DCAF1: variants seen among roughly 807,000 people sequenced by gnomAD.
DCAF1 encodes DDB1- and CUL4-associated factor 1.
A neutral mutation model predicts 128.0 loss-of-function variants in DCAF1; 15 were observed. The observed-to-expected ratio is 0.12, with a 90% CI of 0.08 to 0.18. DCAF1 has a LOEUF of 0.18. Among genes scored for constraint, DCAF1 ranks in the 10% least tolerant of loss-of-function variants. The pLI is 1.00. For missense variants in DCAF1, 988 were observed against 1,649.5 expected, an observed-to-expected ratio of 0.60 and a Z score of 6.95; for synonymous variants, 610 against 603.0, an observed-to-expected ratio of 1.01 and a Z score of -0.17.
intron 24 of DCAF1, among the ~76,000 whole-genome samples, chr3:51,402,425 C>T (rs1553625171): frequency 6.6e-6 from 1 of 152,188 alleles, no homozygotes; most frequent in Non-Finnish European, 1.5e-5. Context: ...TGACAAACTA[C>T]AAGCCCACCA....
intron 4 of DCAF1, among the ~76,000 whole-genome samples, chr3:51,468,551 A>C (rs541321013): frequency 6.6e-6 from 1 of 152,322 alleles, no homozygotes; most frequent in South Asian, 2.1e-4. Context: ...AATTTAGTCA[A>C]AACATACAAT....
Position 51,414,773 on chromosome 3 carries a change from A to C in DCAF1, c.3688T>G (p.Phe1230Val), listed in dbSNP as rs782433959. 6.2e-7 allele frequency: 1 copy of C among 1,614,048 alleles called. No individual in the cohort carries two copies. Among genetic ancestry groups the C allele is most frequent in the East Asian group, 2.2e-5 (1 of 44,888 alleles). The change falls in exon 19 of 25, where the codon TTT (phenylalanine) becomes GTT (valine). Residue 1230 changes from phenylalanine (F) to valine (V), a missense_variant. By Grantham distance (50) the Phe-to-Val change is conservative (BLOSUM62 -1). Coordinates refer to ENST00000684031, the MANE Select transcript of DCAF1 (RefSeq NM_001387579.1). ...ANNYKRNCAT[F>V]NPTDDLVLND... ...AAGACAAGATCATCTGTAGGATTAAAGGTGGCACAGTTCCTCTTGTAGTTG... is the reference window on the plus strand; with the variant it reads ...AAGACAAGATCATCTGTAGGATTAACGGTGGCACAGTTCCTCTTGTAGTTG...
intron 2 of DCAF1, among the ~76,000 whole-genome samples, chr3:51,485,565 A>G (rs1432386773): frequency 6.6e-6 from 1 of 152,226 alleles, no homozygotes; most frequent in Admixed American, 6.5e-5. Context: ...TCAAAATGTC[A>G]TATTCTGCCA....
At chr3:51,416,649 C>T (rs1698905599) in intron 18 of DCAF1, 138 bp downstream of exon 18, 2 of 1,256,864 alleles carry the variant, frequency 1.6e-6, no homozygotes, top group East Asian at 5.5e-5. Context: ...TATTATCATA[C>T]TTTTAGATTC....
chr3:51,467,377 T>C (rs1456124726), intron 4 of DCAF1, among the ~76,000 whole-genome samples: 1 of 151,990 alleles, frequency 6.6e-6, no homozygotes, highest in Non-Finnish European at 1.5e-5. Flanking sequence ...CTGGAAACCA[T>C]CATTCTCAGC....
intron 13 of DCAF1, among the ~76,000 whole-genome samples, chr3:51,423,168 A>T (rs146562702): frequency 2.3e-4 from 35 of 152,276 alleles, no homozygotes; most frequent in African/African-American, 7.7e-4. Context: ...TTGTCCTAGA[A>T]ATTTCACCTC....
intron 3 of DCAF1, among the ~76,000 whole-genome samples, chr3:51,481,413 C>T (rs982832881): frequency 6.6e-5 from 10 of 152,180 alleles, no homozygotes; most frequent in Non-Finnish European, 1.3e-4. Flanking sequence ...TAATGCAGGC[C>T]AGGCGCAATG....
rs1553632324 is a variant in DCAF1, at chr3:51,420,910, T to C, written c.2060A>G (p.Asn687Ser). The C allele has an allele frequency of 2.5e-6, 4 of 1,613,986 alleles. No homozygotes were observed. Among genetic ancestry groups the C allele is most frequent in the Admixed American group, 1.7e-5 (1 of 60,012 alleles). ...TCGGTTATCTGGGCCACACACACAA[T>C]TGATGATAATCTGAAGTGCTGACTT... The part of the protein sequence containing the change: ...IQKSALQIII[N>S]CVCGPDNRIS... The change falls in exon 15 of 25, where the codon AAT becomes AGT. Residue 687 changes from asparagine (N) to serine (S), a missense_variant. Asn to Ser is a conservative substitution (Grantham distance 46). Around this residue, in one of 11 missense-constraint regions of DCAF1, gnomAD observed 185 missense variants for 248.1 expected, o/e 0.75. Coordinates refer to ENST00000684031, the MANE Select transcript of DCAF1 (RefSeq NM_001387579.1). The surrounding 1 kb of genome is among the most constrained non-coding windows in gnomAD (Gnocchi z 6.5).
intron 23 of DCAF1, among the ~76,000 whole-genome samples, chr3:51,412,109 TAAAAAAAAAAAA>T (rs782087400): frequency 1.0e-4 from 3 of 29,460 alleles, no homozygotes; most frequent in Admixed American, 3.4e-4. Context: ...AACTCCATTC[TAAAAAAAAAAAA>T]AAAAAAAAAA....
At position 51,420,250 on chromosome 3, in the gene DCAF1, T is replaced by C; in HGVS notation, c.2720A>G (p.Asn907Ser). The C allele has an allele frequency of 5.0e-6, 8 of 1,613,980 alleles. 1 individual carries two copies. The highest frequency in any genetic ancestry group is 6.8e-6 in the Non-Finnish European group (8 of 1,179,892). Residue 907 changes from asparagine (N) to serine (S), a missense_variant, in exon 15 of 25, where the codon AAT becomes AGT. This residue lies in a region of DCAF1 where 88 missense variants were observed against 107.7 expected (regional missense o/e 0.82). Transcript: ENST00000684031. The surrounding 1 kb of genome is among the most constrained non-coding windows in gnomAD (Gnocchi z 6.5). ...VSLPRTPRIA[N>S]GIATRLGSHA... ...GCTGCCCAGACGAGTTGCAATGCCA[T>C]TAGCGATACGAGGGGTTCGGGGTAG...
rs1553632772 is a variant in DCAF1 at position 51,422,356 on chromosome 3, T to C, written c.1923A>G (p.Ala641=). 9.2e-6 allele frequency: 7 copies of C among 761,352 alleles called. No individual in the cohort carries two copies. The highest frequency in any genetic ancestry group is 9.0e-5 in the Admixed American group (5 of 55,782). The allele number at this position is 761,352 out of a possible 1,614,324, so 47.2% of individuals were successfully genotyped here. A position where few individuals can be genotyped will look rare whatever the true frequency, so the allele number is the denominator to read the frequency against. ...TVVPKIQLQL[A]ESVDVLDEAG... ...CCTCATCCAACACGTCCACTGATTC[T>C]GCCAACTGGAGCTGGATTTTTGGCA... Residue 641 remains alanine, a synonymous_variant, in exon 14 of 25, where the codon GCA becomes GCG. Coordinates refer to ENST00000684031, the MANE Select transcript of DCAF1 (RefSeq NM_001387579.1).
chr3:51,462,554 T>A (rs2108052630), intron 6 of DCAF1, among the ~76,000 whole-genome samples: 1 of 152,244 alleles, frequency 6.6e-6, no homozygotes, highest in East Asian at 1.9e-4. Flanking sequence ...GAGGCCAACC[T>A]GACCAACATG....
At position 51,403,311 on chromosome 3, in the gene DCAF1, G is replaced by A. The variant is rs782739720; in HGVS notation, c.4297C>T (p.Leu1433=). The A allele has an allele frequency of 5.1e-6, 8 of 1,578,016 alleles. No homozygotes were observed. The highest frequency in any genetic ancestry group is 8.6e-7 in the Non-Finnish European group (1 of 1,161,782). The change falls in exon 24 of 25, where the codon CTG becomes TTG. Residue 1433 remains leucine, a synonymous_variant. Coordinates refer to ENST00000684031, the MANE Select transcript of DCAF1 (RefSeq NM_001387579.1). ...DLDELDTDQL[L]EAELEEDDNN... ...TCGTCCTCCTCCAACTCCGCCTCCA[G>A]CAACTGGTCAGTGTCAAGCTCATCT...
chr3:51,436,859 A>C (rs1351093318), intron 9 of DCAF1, among the ~76,000 whole-genome samples: 7 of 152,230 alleles, frequency 4.6e-5, no homozygotes, highest in Admixed American at 3.9e-4. Context: ...TCTGGCTTTC[A>C]AAAATTTGGA....
intron 2 of DCAF1, among the ~76,000 whole-genome samples, chr3:51,484,441 C>G (rs1442902548): frequency 1.3e-5 from 2 of 151,910 alleles, no homozygotes; most frequent in Non-Finnish European, 2.9e-5. Context: ...CCATTGCACT[C>G]CAGCTTGGGC....
intron 3 of DCAF1, among the ~76,000 whole-genome samples, chr3:51,479,506 T>C (rs1266352720): frequency 6.9e-6 from 1 of 145,738 alleles, no homozygotes; most frequent in Non-Finnish European, 1.5e-5. Context: ...CTGTCTATTA[T>C]AGCTGGGCAC....
At chr3:51,452,547 G>C (rs142651031) in intron 6 of DCAF1, among the ~76,000 whole-genome samples, 2 of 152,192 alleles carry the variant, frequency 1.3e-5, no homozygotes, top group African/African-American at 2.4e-5. Flanking sequence ...ATTAGGAAAC[G>C]ATAAAATTGT....
chr3:51,419,487 A>G (rs1459669669), intron 15 of DCAF1, among the ~76,000 whole-genome samples: 2 of 152,190 alleles, frequency 1.3e-5, no homozygotes, highest in African/African-American at 4.8e-5. Flanking sequence ...GGACAGTAGT[A>G]ATGAGGGGGT....
At chr3:51,452,932 C>T (rs968586795) in intron 6 of DCAF1, among the ~76,000 whole-genome samples, 1 of 151,506 alleles carries the variant, frequency 6.6e-6, no homozygotes. Flanking sequence ...GGAGAAATCA[C>T]TTGAACCCAG....
Sources: gnomAD v4.1 joint callset for allele counts (sites outside exome capture counted in the v4.1 genomes callset) on GRCh38, gnomAD v4.1.1 for gene constraint, gnomAD v4.1.1 regional missense constraint, Gnocchi (gnomAD v3.1) non-coding constraint, MANE v1.5 for transcripts, NCBI Gene and HGNC (gene_info 2026-07-23, HGNC 2026-07-21) for gene names.